CDH13: variants seen among roughly 807,000 people sequenced by gnomAD.
The protein encoded by CDH13 is cadherin 13, also known as cadherin-13.
In CDH13, 24 loss-of-function variants were observed where a neutral mutation model predicts 63.8. The observed-to-expected ratio is 0.38, with a 90% CI of 0.27 to 0.53. CDH13 has a LOEUF of 0.53. CDH13 is among the 20% of genes least tolerant of loss of function. The pLI is 0.85. For missense variants in CDH13, 1,049 were observed against 903.1 expected (o/e 1.16, Z -2.07); for synonymous variants, 503 against 355.3 (o/e 1.42, Z -4.67).
chr16:83,189,856 A>T (rs148494284), intron 4 of CDH13, among the ~76,000 whole-genome samples: 1,587 of 152,276 alleles, frequency 0.01, 17 homozygotes, highest in Middle Eastern at 0.024. Flanking sequence ...TAATTGAATC[A>T]TGGGGGCGGC....
chr16:82,740,736 T>C (rs1413717660), intron 1 of CDH13, among the ~76,000 whole-genome samples: 1 of 152,208 alleles, frequency 6.6e-6, no homozygotes, highest in African/African-American at 2.4e-5. Flanking sequence ...ATGATGCTTC[T>C]TGAAGTCTAG....
At chr16:83,021,213 G>C (rs553103663) in intron 2 of CDH13, among the ~76,000 whole-genome samples, 1 of 152,042 alleles carries the variant, frequency 6.6e-6, no homozygotes, top group Non-Finnish European at 1.5e-5. Context: ...TTGTGTTTGG[G>C]GAGTTTCAAA....
intron 7 of CDH13, among the ~76,000 whole-genome samples, chr16:83,564,050 A>G (rs12447083): frequency 1 from 151,956 of 152,308 alleles, 75,805 homozygotes; most frequent in Middle Eastern, 1. Flanking sequence ...TCACAGAGCA[A>G]TTATGAGACT....
chr16:83,665,439 C>T (rs2150845238), intron 8 of CDH13, among the ~76,000 whole-genome samples: 1 of 152,312 alleles, frequency 6.6e-6, no homozygotes, highest in South Asian at 2.1e-4. Context: ...AGTTGCTACC[C>T]ATTAGACTAT....
At chr16:83,408,601 T>C (rs753189237) in intron 6 of CDH13, among the ~76,000 whole-genome samples, 10 of 152,204 alleles carry the variant, frequency 6.6e-5, no homozygotes, top group Non-Finnish European at 1.5e-5. Flanking sequence ...AGCTCGATTA[T>C]AATCTAATGA....
At position 83,429,247 on chromosome 16, in the gene CDH13, G is replaced by C. The variant is rs111906621; in HGVS notation, c.782-57230G>C. Among the ~76,000 whole-genome samples, 9 of 152,268 alleles carry C rather than the reference G, an allele frequency of 5.9e-5. 1 individual carries two copies. Among genetic ancestry groups the C allele is most frequent in the African/African-American group, 1.9e-4 (8 of 41,550 alleles). On this transcript the variant is annotated intron_variant, in intron 6 of 13. Coordinates refer to ENST00000567109, the MANE Select transcript of CDH13 (RefSeq NM_001257.5). ...CAGACTGGTATCCCATTTATGACAAGAGTGGCCCATTTTCTAAGATTGGTC... is the reference window on the plus strand; with the variant it reads ...CAGACTGGTATCCCATTTATGACAACAGTGGCCCATTTTCTAAGATTGGTC...
intron 2 of CDH13, among the ~76,000 whole-genome samples, chr16:82,999,756 G>T (rs1049503603): frequency 6.6e-6 from 1 of 152,102 alleles, no homozygotes; most frequent in Non-Finnish European, 1.5e-5. Flanking sequence ...AGCAGCTGTC[G>T]TCCAGCACAT....
intron 11 of CDH13, among the ~76,000 whole-genome samples, chr16:83,750,281 G>C (rs1418888362): frequency 6.6e-6 from 1 of 152,134 alleles, no homozygotes; most frequent in East Asian, 1.9e-4. Flanking sequence ...GGGTGACAGA[G>C]TGAGACTCCA....
chr16:83,491,110 G>C (rs1019085320), intron 7 of CDH13, among the ~76,000 whole-genome samples: 17 of 152,246 alleles, frequency 1.1e-4, no homozygotes, highest in African/African-American at 3.9e-4. Context: ...CTTTATTATA[G>C]GTGAAAGCTT....
intron 1 of CDH13, among the ~76,000 whole-genome samples, chr16:82,671,847 T>G (rs1024943261): frequency 1.3e-5 from 2 of 152,184 alleles, no homozygotes; most frequent in African/African-American, 4.8e-5. Flanking sequence ...ATGGGGCAGA[T>G]ATGTCCAAGA....
chr16:83,581,075 G>C (rs1410890385), intron 7 of CDH13, among the ~76,000 whole-genome samples: 1 of 152,180 alleles, frequency 6.6e-6, no homozygotes, highest in Non-Finnish European at 1.5e-5. Flanking sequence ...CTTTGGTTTT[G>C]CATCTATAAT....
rs116833961 is a variant in CDH13 at position 83,070,352 on chromosome 16, G to T, written c.366+38134G>T. ...GTGCCTTCTGGCCATAAGTACCAAG[G>T]AATTCATAAAGTTGGATTAAATGAT... On this transcript the variant is annotated intron_variant, in intron 3 of 13. Coordinates refer to ENST00000567109, the MANE Select transcript of CDH13 (RefSeq NM_001257.5). 4.2e-3 allele frequency among the ~76,000 whole-genome samples: 632 copies of T among 152,274 alleles called. 2 individuals are homozygous for T. The highest frequency in any genetic ancestry group is 0.014 in the African/African-American group (602 of 41,536).
intron 8 of CDH13, among the ~76,000 whole-genome samples, chr16:83,623,915 C>T (rs1910039039): frequency 2.6e-5 from 4 of 152,194 alleles, no homozygotes; most frequent in Non-Finnish European, 4.4e-5. Context: ...GTATTTTCTC[C>T]GGAGTCAAGG....
At chr16:82,960,800 C>A (rs1183783905) in intron 2 of CDH13, among the ~76,000 whole-genome samples, 1 of 151,734 alleles carries the variant, frequency 6.6e-6, no homozygotes, top group Non-Finnish European at 1.5e-5. Context: ...GTAGCAAGGT[C>A]GTAATTTTTT....
intron 4 of CDH13, among the ~76,000 whole-genome samples, chr16:83,198,088 G>T (rs768951431): frequency 1.3e-5 from 2 of 152,078 alleles, no homozygotes; most frequent in Non-Finnish European, 2.9e-5. Context: ...TAACTATCCA[G>T]TAGGACATTG....
chr16:82,947,475 T>A (rs904322470), intron 2 of CDH13, among the ~76,000 whole-genome samples: 1 of 152,218 alleles, frequency 6.6e-6, no homozygotes, highest in Admixed American at 6.5e-5. Flanking sequence ...TTAACTACGA[T>A]AATTATCTTA....
intron 1 of CDH13, among the ~76,000 whole-genome samples, chr16:82,654,828 A>G (rs1911119087): frequency 1.3e-5 from 2 of 152,094 alleles, no homozygotes; most frequent in Admixed American, 1.3e-4. Context: ...CAGCTAACAA[A>G]GGTATGTGCC....
chr16:82,631,616 C>A (rs550146910), intron 1 of CDH13, among the ~76,000 whole-genome samples: 1 of 152,216 alleles, frequency 6.6e-6, no homozygotes, highest in Non-Finnish European at 1.5e-5. Flanking sequence ...CTGCAGCCAC[C>A]TGGGATCCCA....
At chr16:82,857,400 C>T (rs1387317813) in intron 1 of CDH13, among the ~76,000 whole-genome samples, 2 of 152,284 alleles carry the variant, frequency 1.3e-5, no homozygotes, top group East Asian at 1.9e-4. Context: ...GGTAGGTGCT[C>T]AGTAGAACCA....
Sources: gnomAD v4.1 joint callset for allele counts (sites outside exome capture counted in the v4.1 genomes callset) on GRCh38, gnomAD v4.1.1 for gene constraint, MANE v1.5 for transcripts, NCBI Gene and HGNC (gene_info 2026-07-23, HGNC 2026-07-21) for gene names.